PDPK1: variants seen among roughly 807,000 people sequenced by gnomAD.
PDPK1 encodes the protein 3-phosphoinositide-dependent protein kinase 1.
In PDPK1, 7 loss-of-function variants were observed where a neutral mutation model predicts 39.8. That is an observed-to-expected ratio of 0.18 (90% CI 0.10 to 0.33). The LOEUF (loss-of-function observed/expected upper bound fraction) is 0.33. Among genes scored for constraint, PDPK1 ranks in the 10% least tolerant of loss-of-function variants. PDPK1 has a pLI of 1.00. For synonymous variants in PDPK1, 118 were observed against 159.1 expected (o/e 0.74, Z 1.95); for missense variants, 182 against 384.7 (o/e 0.47, Z 4.41).
chr16:2,539,571 A>C (rs1402847932), intron 1 of PDPK1: 1 of 152,134 alleles, frequency 6.6e-6, no homozygotes, highest in African/African-American at 2.4e-5. Flanking sequence ...CTTTGTAGAG[A>C]TGCGTGTTAA....
chr16:2,553,222 C>G (rs1241238930), intron 1 of PDPK1, among the ~76,000 whole-genome samples: 4 of 132,456 alleles, frequency 3.0e-5, no homozygotes, highest in Admixed American at 2.9e-4. Flanking sequence ...GTTGCCCAGA[C>G]TGGAGTACAG....
At chr16:2,591,145 T>G (rs1322192561) in intron 11 of PDPK1, among the ~76,000 whole-genome samples, 1 of 152,070 alleles carries the variant, frequency 6.6e-6, no homozygotes, top group Middle Eastern at 3.2e-3. Flanking sequence ...GTGTTTATAG[T>G]AGAGACGTGG....
At chr16:2,578,187 C>T (rs557599395) in intron 7 of PDPK1, among the ~76,000 whole-genome samples, 3,890 of 145,988 alleles carry the variant, frequency 0.027, 128 homozygotes, top group African/African-American at 0.096. Flanking sequence ...TGCAGTGGGA[C>T]AGCGTCCCGC....
chr16:2,595,104 C>T (rs779202938), intron 11 of PDPK1, among the ~76,000 whole-genome samples: 35 of 152,132 alleles, frequency 2.3e-4, no homozygotes, highest in Non-Finnish European at 4.1e-4. Flanking sequence ...GCCTGGGTGA[C>T]GGAGCAAGAC....
chr16:2,590,277 G>A (rs1300249969), intron 11 of PDPK1, among the ~76,000 whole-genome samples: 1 of 152,056 alleles, frequency 6.6e-6, no homozygotes. Context: ...GTGTGCCACC[G>A]TGCCTGGCTC....
Position 2,597,903 on chromosome 16 carries a change from T to A in PDPK1, c.*136T>A, listed in dbSNP as rs2067136308. On this transcript the variant is annotated 3_prime_UTR_variant, in exon 14 of 14. Transcript: ENST00000342085. This position sits in a 1 kb window ranked among gnomAD's most constrained non-coding sequence, Gnocchi z 6.3. The stretch of plus-strand genomic sequence containing the variant: ...AGAGGCGGAAACCTTGCAGCATTTT[T>A]ATTTAAAAGAAAAGAAGAAAAAAAA... The A allele has an allele frequency of 1.7e-6, 1 of 591,984 alleles. No homozygotes were observed. Among genetic ancestry groups the A allele is most frequent in the Non-Finnish European group, 3.0e-6 (1 of 332,974 alleles). 36.7% of individuals were successfully genotyped at this position (591,984 alleles called of 1,614,324 possible).
chr16:2,589,694 T>C (rs1315940733), intron 11 of PDPK1, among the ~76,000 whole-genome samples: 3 of 133,314 alleles, frequency 2.3e-5, no homozygotes, highest in African/African-American at 5.9e-5. Context: ...GTCTCAAAAT[T>C]GGAAAAAAAA....
chr16:2,538,633 T>G, intron 1 of PDPK1: 1 of 1,289,048 alleles, frequency 7.8e-7, no homozygotes, highest in Non-Finnish European at 1.0e-6. Flanking sequence ...TTGATGACAG[T>G]GGTCGGGAAA....
intron 1 of PDPK1, among the ~76,000 whole-genome samples, chr16:2,550,283 C>A (rs2066390398): frequency 6.8e-6 from 1 of 146,646 alleles, no homozygotes; most frequent in Admixed American, 7.1e-5. Context: ...TAAAGTTATA[C>A]CTATAAGGGG....
Position 2,598,034 on chromosome 16 carries a change from GT to G in PDPK1, c.*268del. On this transcript the variant is annotated 3_prime_UTR_variant, in exon 14 of 14. Transcript: ENST00000342085. ...GAGGCCTCCGTGTGCCCTCGTTGCC[GT>G]GGGGACCCAGCTCCATGCACGTCAA... is the stretch of plus-strand genomic sequence containing the variant. 2.0e-6 allele frequency: 1 copy of G among 507,980 alleles called. No homozygotes were observed. The allele number at this position is 507,980 out of a possible 1,614,324, so 31.5% of individuals were successfully genotyped here. A position where few individuals can be genotyped will look rare whatever the true frequency, so the allele number is the denominator to read the frequency against.
Position 2,602,713 on chromosome 16 carries a change from C to G in PDPK1, c.*4946C>G, listed in dbSNP as rs1597086909. The G allele has an allele frequency of 3.7e-4, 87 of 234,556 alleles. No homozygotes were observed. In the East Asian group the frequency reaches 5.1e-3, roughly 14 times the overall value. 14.5% of individuals were successfully genotyped at this position (234,556 alleles called of 1,614,324 possible). ...ACTAGTACGTCTTTCAGGTGGGTGGCAAGCAGAACATGCGTAATATTCTCT... is the reference window on the plus strand; with the variant it reads ...ACTAGTACGTCTTTCAGGTGGGTGGGAAGCAGAACATGCGTAATATTCTCT... On this transcript the variant is annotated 3_prime_UTR_variant, in exon 14 of 14. Transcript: ENST00000342085.
At chr16:2,591,899 G>T (rs2066996792) in intron 11 of PDPK1, among the ~76,000 whole-genome samples, 1 of 152,260 alleles carries the variant, frequency 6.6e-6, no homozygotes, top group South Asian at 2.1e-4. Context: ...GTACATATCA[G>T]TTGATCTGAA....
intron 1 of PDPK1, among the ~76,000 whole-genome samples, chr16:2,546,339 C>T (rs889320242): frequency 6.8e-6 from 1 of 146,138 alleles, no homozygotes; most frequent in African/African-American, 2.5e-5. Context: ...ACCTCAGCCT[C>T]CCAAAGTGCT....
intron 11 of PDPK1, among the ~76,000 whole-genome samples, chr16:2,587,708 C>G (rs1320703287): frequency 3.3e-5 from 5 of 152,168 alleles, no homozygotes; most frequent in African/African-American, 1.2e-4. Context: ...CAGGCTTTCC[C>G]TGTGTTGGCC....
Position 2,598,752 on chromosome 16 carries a change from G to A in PDPK1, c.*985G>A, listed in dbSNP as rs868831776. ...CCACGCCTCTCCAGTTGCTGAAGTA[G>A]GGTCTGAGAGAACCCTGGCATCAGC... On this transcript the variant is annotated 3_prime_UTR_variant, in exon 14 of 14. Transcript: ENST00000342085. The A allele has an allele frequency of 4.7e-5, 11 of 233,188 alleles. No homozygotes were observed. The highest frequency in any genetic ancestry group is 2.5e-3 in the Middle Eastern group (2 of 808). 14.4% of individuals were successfully genotyped at this position (233,188 alleles called of 1,614,324 possible).
At chr16:2,588,618 G>T (rs903472399) in intron 11 of PDPK1, among the ~76,000 whole-genome samples, 1 of 152,120 alleles carries the variant, frequency 6.6e-6, no homozygotes, top group Non-Finnish European at 1.5e-5. Flanking sequence ...ACATTCTCCT[G>T]CCTGCTTCCT....
At position 2,593,063 on chromosome 16, in the gene PDPK1, T is replaced by C; in HGVS notation, c.1344-2730T>C. The stretch of plus-strand genomic sequence containing the variant: ...GATGGATTTCTGGAAGCGAGGCTAC[T>C]TCTCAGTACTATTTCCGAATCGCTT... On this transcript the variant is annotated intron_variant, in intron 11 of 13. Transcript: ENST00000342085. This position sits in a 1 kb window ranked among gnomAD's most constrained non-coding sequence, Gnocchi z 4.2. 2.2e-6 allele frequency: 1 copy of C among 456,530 alleles called. No homozygotes were observed. The highest frequency in any genetic ancestry group is 4.4e-6 in the Non-Finnish European group (1 of 226,946). The allele number at this position is 456,530 out of a possible 1,614,324, so 28.3% of individuals were successfully genotyped here.
intron 1 of PDPK1, among the ~76,000 whole-genome samples, chr16:2,546,348 C>G (rs1243770606): frequency 7.1e-6 from 1 of 140,268 alleles, no homozygotes; most frequent in Non-Finnish European, 1.5e-5. Flanking sequence ...TCCCAAAGTG[C>G]TTTGAGACAG....
chr16:2,542,641 C>T (rs1326712363), intron 1 of PDPK1, among the ~76,000 whole-genome samples: 2 of 152,252 alleles, frequency 1.3e-5, no homozygotes, highest in Admixed American at 6.5e-5. Flanking sequence ...GCATGTAGTT[C>T]CTGGACAGTC....
Sources: gnomAD v4.1 joint callset for allele counts (sites outside exome capture counted in the v4.1 genomes callset) on GRCh38, gnomAD v4.1.1 for gene constraint, Gnocchi (gnomAD v3.1) non-coding constraint, MANE v1.5 for transcripts, NCBI Gene and HGNC (gene_info 2026-07-23, HGNC 2026-07-21) for gene names.